ADAM20: variants seen among roughly 807,000 people sequenced by gnomAD.
ADAM20 encodes the protein ADAM metallopeptidase domain 20.
For synonymous variants in ADAM20, 305 were observed against 310.2 expected, an observed-to-expected ratio of 0.98 and a Z score of 0.18; for missense variants, 871 against 883.2, an observed-to-expected ratio of 0.99 and a Z score of 0.18.
chr14:70,568,057 T>C, the ADAM20 span, among the ~76,000 whole-genome samples: 1 of 152,048 alleles, frequency 6.6e-6, no homozygotes, highest in African/African-American at 2.4e-5. Context: ...TTAAGTGTCA[T>C]CTCCATCTAC....
the ADAM20 span, among the ~76,000 whole-genome samples, chr14:70,554,461 T>C: frequency 3.3e-5 from 5 of 152,128 alleles, no homozygotes; most frequent in African/African-American, 9.7e-5. Flanking sequence ...ATTATTCACA[T>C]AGCTAAGATA....
intron 1 of ADAM20, among the ~76,000 whole-genome samples, chr14:70,532,227 G>C (rs974664136): frequency 1.3e-5 from 2 of 151,898 alleles, no homozygotes; most frequent in African/African-American, 4.8e-5. Context: ...CTACACAATG[G>C]GGGAAAAATA....
At chr14:70,563,895 G>A in the ADAM20 span, among the ~76,000 whole-genome samples, 11 of 152,268 alleles carry the variant, frequency 7.2e-5, no homozygotes, top group Middle Eastern at 6.8e-3. Flanking sequence ...CTAATTTCAG[G>A]TATTTCTTTA....
Position 70,523,827 on chromosome 14 carries a change from C to G in ADAM20, c.931G>C (p.Ala311Pro), listed in dbSNP as rs1883514955. Residue 311 changes from alanine (A) to proline (P), a missense_variant, in exon 2 of 2, where the codon GCC becomes CCC. By Grantham distance (27) the Ala-to-Pro change is conservative (BLOSUM62 -1). Coordinates refer to ENST00000256389, the MANE Select transcript of ADAM20 (RefSeq NM_003814.5). ...TTCTGGCATATTCCTTTAACATAGG[C>G]AACACCAAGCTTCATGCCTTGTGTG... ...KDTQGMKLGVAYVKGICQNPF... is the reference protein window; with the variant it reads ...KDTQGMKLGVPYVKGICQNPF... The G allele has an allele frequency of 6.2e-7, 1 of 1,613,910 alleles. No individual in the cohort carries two copies. The highest frequency in any genetic ancestry group is 1.3e-5 in the African/African-American group (1 of 74,912).
At chr14:70,533,872 C>G (rs1347057476) in intron 1 of ADAM20, among the ~76,000 whole-genome samples, 1 of 151,604 alleles carries the variant, frequency 6.6e-6, no homozygotes, top group African/African-American at 2.4e-5. Context: ...CACCTGAGGT[C>G]AGGAGTTCGA....
chr14:70,533,114 G>C (rs1883748747), intron 1 of ADAM20, among the ~76,000 whole-genome samples: 1 of 152,194 alleles, frequency 6.6e-6, no homozygotes, highest in Non-Finnish European at 1.5e-5. Flanking sequence ...ATGTTAGAGA[G>C]GATGTGGAGA....
At chr14:70,572,130 C>T in the ADAM20 span, among the ~76,000 whole-genome samples, 8 of 152,086 alleles carry the variant, frequency 5.3e-5, no homozygotes, top group Admixed American at 3.9e-4. Flanking sequence ...AAAAAAATTA[C>T]GGAAACTTCA....
At chr14:70,534,082 C>CAAAA (rs59828723) in intron 1 of ADAM20, among the ~76,000 whole-genome samples, 18 of 54,040 alleles carry the variant, frequency 3.3e-4, no homozygotes, top group Admixed American at 7.5e-4. Context: ...GACCCTGTCT[C>CAAAA]AAAAAAAAAA....
At chr14:70,558,312 T>C in the ADAM20 span, among the ~76,000 whole-genome samples, 1 of 152,240 alleles carries the variant, frequency 6.6e-6, no homozygotes, top group South Asian at 2.1e-4. Context: ...AAAAGGAATC[T>C]GGTAAGAAAA....
the ADAM20 span, among the ~76,000 whole-genome samples, chr14:70,567,988 T>G: frequency 3.8e-4 from 58 of 152,120 alleles, no homozygotes; most frequent in Middle Eastern, 0.01. Context: ...CTCTCATGCC[T>G]CCTGTCAACA....
the ADAM20 span, among the ~76,000 whole-genome samples, chr14:70,558,450 ATATG>A: frequency 1.3e-5 from 2 of 152,062 alleles, no homozygotes; most frequent in Admixed American, 6.6e-5. Flanking sequence ...ACTTTCAAAC[ATATG>A]TATCTGTGTG....
At chr14:70,528,752 A>G (rs978069825) in intron 1 of ADAM20, among the ~76,000 whole-genome samples, 1 of 152,218 alleles carries the variant, frequency 6.6e-6, no homozygotes, top group East Asian at 1.9e-4. Context: ...AGAAAACTAT[A>G]AACAGGCTGA....
the ADAM20 span, among the ~76,000 whole-genome samples, chr14:70,574,180 A>G: frequency 1.3e-5 from 2 of 152,374 alleles, no homozygotes; most frequent in South Asian, 4.1e-4. Flanking sequence ...GAAATCAATA[A>G]GAGGAAAGGT....
At chr14:70,536,857 C>A (rs1883848332), upstream of ADAM20, among the ~76,000 whole-genome samples, 2 of 151,706 alleles carry the variant, frequency 1.3e-5, no homozygotes, top group Middle Eastern at 3.4e-3. Context: ...ACTTCTCCCC[C>A]ACACAGAAAC....
the ADAM20 span, among the ~76,000 whole-genome samples, chr14:70,577,542 T>C: frequency 4.6e-5 from 7 of 152,142 alleles, no homozygotes; most frequent in Non-Finnish European, 8.8e-5. Context: ...ATGAAACAAC[T>C]ACTTTCAAGC....
At chr14:70,567,420 T>G in the ADAM20 span, among the ~76,000 whole-genome samples, 18 of 152,152 alleles carry the variant, frequency 1.2e-4, no homozygotes, top group Non-Finnish European at 2.4e-4. Flanking sequence ...ACAAAGGGAA[T>G]GTGGATGCAG....
the ADAM20 span, among the ~76,000 whole-genome samples, chr14:70,568,397 G>T: frequency 5.9e-5 from 9 of 151,678 alleles, no homozygotes; most frequent in Admixed American, 1.3e-4. Context: ...CCATGCAAAT[G>T]ATAGCAAACT....
chr14:70,567,825 A>C, the ADAM20 span, among the ~76,000 whole-genome samples: 5 of 152,234 alleles, frequency 3.3e-5, no homozygotes, highest in East Asian at 9.6e-4. Flanking sequence ...TTATGAACTA[A>C]GGTCGTGAGC....
upstream of ADAM20, among the ~76,000 whole-genome samples, chr14:70,537,013 C>A (rs919540820): frequency 6.6e-6 from 1 of 151,412 alleles, no homozygotes; most frequent in African/African-American, 2.4e-5. Flanking sequence ...TTGTCTTTGA[C>A]TGTTGAGCCA....
Sources: allele counts gnomAD v4.1 joint callset (sites outside exome capture counted in the v4.1 genomes callset), GRCh38; gene constraint gnomAD v4.1.1; transcripts MANE v1.5; gene names NCBI Gene and HGNC (gene_info 2026-07-23, HGNC 2026-07-21).